Variants in ADGRV1 observed in about 807,000 individuals in gnomAD.
ADGRV1 encodes the protein G-protein coupled receptor 98.
A neutral mutation model predicts 596.2 loss-of-function variants in ADGRV1; 359 were observed. That is an observed-to-expected ratio of 0.60 (90% confidence interval 0.55 to 0.66). The LOEUF (loss-of-function observed/expected upper bound fraction) is 0.66. Among genes scored for constraint, ADGRV1 ranks in the 30% least tolerant of loss-of-function variants. ADGRV1 has a pLI of 0.00. For synonymous variants in ADGRV1, 2,681 were observed against 2,679.2 expected, an observed-to-expected ratio of 1.00 and a Z score of -0.02; for missense variants, 7,274 against 7,575.6, an observed-to-expected ratio of 0.96 and a Z score of 1.48.
chr5:90,703,795 G>C lies in ADGRV1; in HGVS notation c.8286G>C (p.Glu2762Asp). The C allele has an allele frequency of 6.3e-7, 1 of 1,582,222 alleles. No individual in the cohort carries two copies. Among genetic ancestry groups the C allele is most frequent in the East Asian group, 2.3e-5 (1 of 44,150 alleles). ...ANFSGQLFFPEGSLNTTLFVH... is the reference protein window; with the variant it reads ...ANFSGQLFFPDGSLNTTLFVH... ...TTAGCGGACAACTTTTCTTTCCTGA[G>C]GTAATACTGCAAAGAAAAGTCGATC... The change falls in exon 35 of 90, where the codon GAG becomes GAC. Residue 2762 changes from glutamate (E) to aspartate (D), a missense_variant and splice_region_variant. This residue lies in a region of ADGRV1 where 3,643 missense variants were observed against 3,809.2 expected (regional missense o/e 0.96). Coordinates refer to ENST00000405460, the MANE Select transcript of ADGRV1 (RefSeq NM_032119.4).
At chr5:90,685,596 CTATAAATAAATA>C (rs927657197) in intron 28 of ADGRV1, among the ~76,000 whole-genome samples, 172 bp from the exon 29 acceptor site, 2 of 114,050 alleles carry the variant, frequency 1.8e-5, no homozygotes, top group Non-Finnish European at 3.6e-5. Context: ...GAGTCCATCT[CTATAAATAAATA>C]AATAAATAAA....
chr5:91,028,295 C>T (rs375218520), intron 85 of ADGRV1, among the ~76,000 whole-genome samples: 4 of 152,060 alleles, frequency 2.6e-5, no homozygotes, highest in East Asian at 1.9e-4. Flanking sequence ...AGAGAGAGGA[C>T]CTGACCCCGT....
chr5:91,158,697 G>A (rs1208867342), intron 89 of ADGRV1, among the ~76,000 whole-genome samples: 1 of 152,214 alleles, frequency 6.6e-6, no homozygotes, highest in Non-Finnish European at 1.5e-5. Context: ...AGCAGGAAGG[G>A]TGGCCAGGTG....
At chr5:90,878,726 CT>C (rs1470654277) in intron 83 of ADGRV1, among the ~76,000 whole-genome samples, 1 of 152,176 alleles carries the variant, frequency 6.6e-6, no homozygotes, top group Non-Finnish European at 1.5e-5. Context: ...AGATTATAAT[CT>C]CAGGAGTGCT....
Position 90,561,455 on chromosome 5 carries a change from G to T in ADGRV1, c.22+2538G>T, listed in dbSNP as rs538287434. On this transcript the variant is annotated intron_variant, in intron 1 of 89. Coordinates refer to ENST00000405460, the MANE Select transcript of ADGRV1 (RefSeq NM_032119.4). ...GGGTAAACTTGGTTATTAATTGTTT[G>T]ATTTATTGTCACGCAAACAAATGCC... 7.8e-4 allele frequency among the ~76,000 whole-genome samples: 118 copies of T among 152,202 alleles called. 1 individual carries two copies. Among genetic ancestry groups the T allele is most frequent in the Admixed American group, 1.6e-3 (25 of 15,292 alleles).
At chr5:90,839,531 A>G (rs1187354252) in intron 77 of ADGRV1, among the ~76,000 whole-genome samples, 10 of 152,102 alleles carry the variant, frequency 6.6e-5, no homozygotes, top group Non-Finnish European at 1.5e-5. Flanking sequence ...CTCTTACAGC[A>G]GCATCCAGCA....
In ADGRV1 at chr5:90,829,165, G is replaced by A; in HGVS notation, c.16590G>A (p.Met5530Ile). Residue 5530 changes from methionine to isoleucine, a missense_variant, in exon 77 of 90, where the codon ATG (methionine) becomes ATA (isoleucine). Around this residue, in one of 5 missense-constraint regions of ADGRV1, gnomAD observed 1,874 missense variants for 1,970.2 expected, o/e 0.95. Transcript: ENST00000405460. ...GAGATTCTGGGACAGGACTAATGAT[G>A]TCTGTTAACTTTAGTACCCAGGTAA... ...VARDSGTGLM[M>I]SVNFSTQELR... The A allele has an allele frequency of 6.4e-7, 1 of 1,558,922 alleles. No individual in the cohort carries two copies. Among genetic ancestry groups the A allele is most frequent in the Non-Finnish European group, 8.7e-7 (1 of 1,146,066 alleles).
chr5:90,822,592 G>A (rs1371260622), intron 75 of ADGRV1, among the ~76,000 whole-genome samples: 1 of 152,188 alleles, frequency 6.6e-6, no homozygotes, highest in East Asian at 1.9e-4. Context: ...TTTTGGCTTA[G>A]GACTGACTCG....
At chr5:90,685,690 G>A (rs1161460415) in intron 28 of ADGRV1, 90 bp from the exon 29 acceptor site, 7 of 676,494 alleles carry the variant, frequency 1.0e-5, no homozygotes, top group Non-Finnish European at 1.7e-5. Context: ...TTTGGCTGAT[G>A]GAATCTTGCT....
rs57266316 is a variant in ADGRV1, at chr5:91,114,708, G to C, written c.18432+12368G>C. ...GTAGAAACCTCCCCTCCTTGTCTCT[G>C]AACTCCATTTTTTCATTCCCCAATA... On this transcript the variant is annotated intron_variant, in intron 87 of 89. Coordinates refer to ENST00000405460, the MANE Select transcript of ADGRV1 (RefSeq NM_032119.4). Among the ~76,000 whole-genome samples the C allele has an allele frequency of 1.7e-3, 261 of 152,256 alleles. 2 individuals are homozygous for C. Among genetic ancestry groups the C allele is most frequent in the African/African-American group, 6.1e-3 (252 of 41,562 alleles).
chr5:90,830,451 A>G (rs1008643169), intron 77 of ADGRV1, among the ~76,000 whole-genome samples: 1 of 152,156 alleles, frequency 6.6e-6, no homozygotes, highest in Non-Finnish European at 1.5e-5. Context: ...AGAATGGAAG[A>G]AGGGGGACTG....
intron 77 of ADGRV1, among the ~76,000 whole-genome samples, chr5:90,832,018 G>T (rs1217803524): frequency 6.6e-6 from 1 of 152,168 alleles, no homozygotes; most frequent in Non-Finnish European, 1.5e-5. Context: ...TGACTGTGGT[G>T]AATAGTGTTG....
intron 39 of ADGRV1, 61 bp from the exon 40 acceptor site, chr5:90,710,920 A>G: frequency 1.0e-6 from 1 of 965,348 alleles, no homozygotes; most frequent in Non-Finnish European, 1.6e-6. Flanking sequence ...TTTAAATCCT[A>G]TATCAAAAAT....
In ADGRV1 at chr5:90,778,014, G is replaced by T. The variant is rs397517421; in HGVS notation, c.12637G>T (p.Glu4213Ter). 1 of 1,585,770 alleles carries T rather than the reference G, an allele frequency of 6.3e-7. No individual in the cohort carries two copies. The highest frequency in any genetic ancestry group is 1.1e-5 in the South Asian group (1 of 87,434). Reference sequence around the variant, plus strand: ...ATCAGGAAAACTGACAATGCGAGACGAACAGTCTGCAGTCATTGTAGTAAT... The same window carrying T: ...ATCAGGAAAACTGACAATGCGAGACTAACAGTCTGCAGTCATTGTAGTAAT... ...ETSGKLTMRD[E>*]QSAVIVVIQA... The change falls in exon 62 of 90, where the codon GAA becomes TAA. Residue 4213 changes from glutamate (E) to a stop codon, truncating the protein, a stop_gained. Coordinates refer to ENST00000405460, the MANE Select transcript of ADGRV1 (RefSeq NM_032119.4). LOFTEE classifies it high-confidence loss of function.
intron 79 of ADGRV1, among the ~76,000 whole-genome samples, chr5:90,849,591 T>C (rs553403245): frequency 6.6e-6 from 1 of 152,090 alleles, no homozygotes; most frequent in Non-Finnish European, 1.5e-5. Flanking sequence ...AATTTCACCA[T>C]GTTGCTCAGG....
At chr5:90,862,575 A>G (rs1767712179) in intron 82 of ADGRV1, among the ~76,000 whole-genome samples, 1 of 152,242 alleles carries the variant, frequency 6.6e-6, no homozygotes, top group Admixed American at 6.5e-5. Flanking sequence ...GTTCCTGAAG[A>G]TACACTCTGT....
intron 86 of ADGRV1, among the ~76,000 whole-genome samples, chr5:91,074,643 A>C (rs934653126): frequency 1.3e-5 from 2 of 152,244 alleles, no homozygotes; most frequent in Non-Finnish European, 2.9e-5. Flanking sequence ...ATATGTGTGC[A>C]TGTGTCTTCA....
In ADGRV1 at chr5:90,725,009, T is replaced by A; in HGVS notation, c.9906+20T>A. 6.4e-7 allele frequency: 1 copy of A among 1,571,360 alleles called. No individual in the cohort carries two copies. Among genetic ancestry groups the A allele is most frequent in the South Asian group, 1.2e-5 (1 of 83,850 alleles). ...GTTGAGGTAAACATCAGTATTTTTT[T>A]ATAGTACAAAAATAAAATGTGCAGA... On this transcript the variant is annotated intron_variant, in intron 46 of 89. Transcript: ENST00000405460.
chr5:90,858,861 A>G (rs1337107010), intron 82 of ADGRV1, among the ~76,000 whole-genome samples: 2 of 152,194 alleles, frequency 1.3e-5, no homozygotes, highest in Non-Finnish European at 2.9e-5. Context: ...AACTCTAAGC[A>G]TCACACTAGC....
Sources: allele counts gnomAD v4.1 joint callset (sites outside exome capture counted in the v4.1 genomes callset), GRCh38; gene constraint gnomAD v4.1.1; regional missense constraint gnomAD v4.1.1; transcripts MANE v1.5; gene names NCBI Gene and HGNC (gene_info 2026-07-23, HGNC 2026-07-21).